The following UBN2 variants were observed in gnomAD, a reference collection of about 807,000 sequenced individuals.
UBN2 encodes the protein ubinuclein-2.
UBN2 carries 35 observed loss-of-function variants against 120.2 expected under a neutral mutation model. The observed-to-expected ratio is 0.29, with a 90% confidence interval of 0.22 to 0.39. UBN2 has a LOEUF of 0.39. UBN2 is among the 10% of genes least tolerant of loss of function. UBN2 has a pLI of 1.00. For missense variants in UBN2, 1,693 were observed against 1,663.2 expected (o/e 1.02, Z -0.31); for synonymous variants, 661 against 648.7 (o/e 1.02, Z -0.29).
At chr7:139,323,866 C>T in the UBN2 span, among the ~76,000 whole-genome samples, 2 of 151,928 alleles carry the variant, frequency 1.3e-5, no homozygotes, top group Non-Finnish European at 2.9e-5. Flanking sequence ...AAGGAAAAAG[C>T]GGTATTATTA....
chr7:139,293,774 G>C, intron 16 of UBN2, 115 bp from the exon 17 acceptor site: 1 of 925,746 alleles, frequency 1.1e-6, no homozygotes, highest in South Asian at 1.5e-5. Context: ...TCTAGTTTTA[G>C]AAGGCCTTCG....
In UBN2 at chr7:139,269,309, C is replaced by G. The variant is rs1797192953; in HGVS notation, c.1467-85C>G. On this transcript the variant is annotated intron_variant, in intron 7 of 17. Transcript: ENST00000473989. Reference sequence around the variant, plus strand: ...AAATCATGAAAAGATAAAATGAGAACAAGAACTGGCTTTGCTTTCTTGTCT... The same window carrying G: ...AAATCATGAAAAGATAAAATGAGAAGAAGAACTGGCTTTGCTTTCTTGTCT... 2.2e-6 allele frequency: 3 copies of G among 1,356,380 alleles called. No individual in the cohort carries two copies. The Admixed American group carries it at 7.3e-5, about 33-fold the overall frequency. 84.0% of individuals were successfully genotyped at this position (1,356,380 alleles called of 1,614,324 possible). A position where few individuals can be genotyped will look rare whatever the true frequency, so the allele number is the denominator to read the frequency against.
chr7:139,236,571 C>T (rs992256444), intron 1 of UBN2, among the ~76,000 whole-genome samples: 1 of 152,130 alleles, frequency 6.6e-6, no homozygotes, highest in African/African-American at 2.4e-5. Context: ...TCATATTTAG[C>T]TAGTGTTCCT....
rs201612627 is a variant in UBN2 at position 139,261,606 on chromosome 7, C to G, written c.1260C>G (p.Pro420=). The G allele has an allele frequency of 1.3e-4, 204 of 1,614,178 alleles. 1 individual carries two copies. The highest frequency in any genetic ancestry group is 1.6e-4 in the Non-Finnish European group (186 of 1,180,032). ...TGGATGCTGCTTCTGATGGTAGCCC[C>G]CTATCTGAGTCGGGGGGTGAAAATG... ...RLLDAASDGS[P]LSESGGENGT... Residue 420 remains proline, a synonymous_variant, in exon 6 of 18, where the codon CCC becomes CCG. Coordinates refer to ENST00000473989, the MANE Select transcript of UBN2 (RefSeq NM_173569.4).
In UBN2 at chr7:139,273,467, TA is replaced by T. The variant is rs370408558; in HGVS notation, c.1829+66del. Reference sequence around the variant, plus strand: ...ATAATGCAGAAGTAAGATTCCTCATTAAAAAAAAATCTATAATAAATATAAA... The same window carrying T: ...ATAATGCAGAAGTAAGATTCCTCATTAAAAAAAATCTATAATAAATATAAA... On this transcript the variant is annotated intron_variant, in intron 10 of 17. Transcript: ENST00000473989. The T allele has an allele frequency of 7.6e-4, 863 of 1,139,144 alleles. 1 individual carries two copies. Among genetic ancestry groups the T allele is most frequent in the South Asian group, 2.2e-3 (116 of 51,802 alleles). The allele number at this position is 1,139,144 out of a possible 1,614,324, so 70.6% of individuals were successfully genotyped here.
At chr7:139,257,571 C>T (rs1487325200) in intron 3 of UBN2, among the ~76,000 whole-genome samples, 10 of 151,768 alleles carry the variant, frequency 6.6e-5, no homozygotes, top group African/African-American at 2.2e-4. Flanking sequence ...CCACCACGCC[C>T]GGCTAATTTT....
chr7:139,309,075 A>G (rs146545623), downstream of UBN2, among the ~76,000 whole-genome samples: 1 of 152,228 alleles, frequency 6.6e-6, no homozygotes, highest in Non-Finnish European at 1.5e-5. Context: ...CAACAACAAA[A>G]AAAAGAAATT....
At position 139,298,455 on chromosome 7, in the gene UBN2, A is replaced by C. The variant is rs1475956084; in HGVS notation, c.*619A>C. 6.6e-6 allele frequency: 1 copy of C among 152,228 alleles called. No individual in the cohort carries two copies. The highest frequency in any genetic ancestry group is 6.5e-5 in the Admixed American group (1 of 15,280). 9.4% of individuals were successfully genotyped at this position (152,228 alleles called of 1,614,324 possible). A position where few individuals can be genotyped will look rare whatever the true frequency, so the allele number is the denominator to read the frequency against. On this transcript the variant is annotated 3_prime_UTR_variant, in exon 18 of 18. Coordinates refer to ENST00000473989, the MANE Select transcript of UBN2 (RefSeq NM_173569.4). Reference sequence around the variant, plus strand: ...CAGTGGACTAAAGATCCTTCAGGAAAGTTATTTTAGCACAGTGATATATAT... The same window carrying C: ...CAGTGGACTAAAGATCCTTCAGGAACGTTATTTTAGCACAGTGATATATAT...
intron 2 of UBN2, among the ~76,000 whole-genome samples, chr7:139,243,016 C>G (rs1470812457): frequency 1.3e-5 from 2 of 152,146 alleles, no homozygotes; most frequent in Non-Finnish European, 2.9e-5. Flanking sequence ...GCTCTGTCTA[C>G]TAGAGGTTAT....
At chr7:139,277,608 C>T (rs775407640) in intron 12 of UBN2, 2 of 151,972 alleles carry the variant, frequency 1.3e-5, no homozygotes, top group Non-Finnish European at 1.5e-5. Context: ...GTTTTTGGTT[C>T]TGTTTTTTTT....
chr7:139,315,045 G>T, the UBN2 span, among the ~76,000 whole-genome samples: 2 of 151,396 alleles, frequency 1.3e-5, no homozygotes, highest in African/African-American at 2.4e-5. Flanking sequence ...GCACAATCTC[G>T]GCTCACTGCA....
intron 8 of UBN2, among the ~76,000 whole-genome samples, chr7:139,269,795 A>G (rs1044086949): frequency 3.3e-5 from 5 of 152,110 alleles, no homozygotes; most frequent in South Asian, 2.1e-4. Flanking sequence ...ATTTTTTAAT[A>G]TAAGTACTCA....
intron 2 of UBN2, among the ~76,000 whole-genome samples, chr7:139,240,215 TAGAG>T (rs1263028950): frequency 6.6e-6 from 1 of 151,830 alleles, no homozygotes; most frequent in Non-Finnish European, 1.5e-5. Flanking sequence ...CCATTCTAAT[TAGAG>T]ATTGTATGTA....
Position 139,300,670 on chromosome 7 carries a change from C to T in UBN2, c.*2834C>T, listed in dbSNP as rs1038847851. 15 of 152,232 alleles carry T rather than the reference C, an allele frequency of 9.9e-5. No homozygotes were observed. Among genetic ancestry groups the T allele is most frequent in the Non-Finnish European group, 1.5e-5 (1 of 68,040 alleles). The allele number at this position is 152,232 out of a possible 1,614,324, so 9.4% of individuals were successfully genotyped here. On this transcript the variant is annotated 3_prime_UTR_variant, in exon 18 of 18. Coordinates refer to ENST00000473989, the MANE Select transcript of UBN2 (RefSeq NM_173569.4). The stretch of plus-strand genomic sequence containing the variant: ...AATCAGCACACATGATTATATCCCA[C>T]TCCTTGGGATTCTTGATTCAGGAAG...
chr7:139,236,139 T>G (rs1300002176), intron 1 of UBN2, among the ~76,000 whole-genome samples: 1 of 152,244 alleles, frequency 6.6e-6, no homozygotes, highest in Non-Finnish European at 1.5e-5. Context: ...AATAGAAGAC[T>G]TAAGGATGTG....
chr7:139,241,860 T>G (rs1796327468), intron 2 of UBN2, among the ~76,000 whole-genome samples: 1 of 152,132 alleles, frequency 6.6e-6, no homozygotes. Context: ...TAGCTGGGCA[T>G]GGTGGTGGGT....
At chr7:139,324,501 A>T in the UBN2 span, among the ~76,000 whole-genome samples, 1 of 139,332 alleles carries the variant, frequency 7.2e-6, no homozygotes, top group African/African-American at 2.7e-5. Flanking sequence ...GCTTGCAGTG[A>T]GCCGAGATCG....
chr7:139,234,836 T>G (rs973641635), intron 1 of UBN2, among the ~76,000 whole-genome samples: 1 of 152,222 alleles, frequency 6.6e-6, no homozygotes, highest in African/African-American at 2.4e-5. Flanking sequence ...TTTCATTGTT[T>G]GCGTATTTTT....
rs1012371443 is a variant in UBN2, at chr7:139,231,453, T to C, written c.-32T>C. 7.7e-7 allele frequency: 1 copy of C among 1,295,864 alleles called. No homozygotes were observed. The highest frequency in any genetic ancestry group is 3.9e-5 in the Admixed American group (1 of 25,346). 80.3% of individuals were successfully genotyped at this position (1,295,864 alleles called of 1,614,324 possible). Reference sequence around the variant, plus strand: ...GCGCGCCGTAGAAGCGAGCGCCGGCTCGAGCAAAAGCGGAGGGCCAGAACA... The same window carrying C: ...GCGCGCCGTAGAAGCGAGCGCCGGCCCGAGCAAAAGCGGAGGGCCAGAACA... On this transcript the variant is annotated 5_prime_UTR_variant, in exon 1 of 18. Transcript: ENST00000473989.
Sources: gnomAD v4.1 joint callset for allele counts (sites outside exome capture counted in the v4.1 genomes callset) on GRCh38, gnomAD v4.1.1 for gene constraint, MANE v1.5 for transcripts, NCBI Gene and HGNC (gene_info 2026-07-23, HGNC 2026-07-21) for gene names.